Variants in PCED1B observed in about 807,000 individuals in gnomAD.
PCED1B encodes PC-esterase domain containing 1B.
For synonymous variants in PCED1B, 251 were observed against 246.1 expected, an observed-to-expected ratio of 1.02 and a Z score of -0.19; for missense variants, 573 against 573.9, an observed-to-expected ratio of 1.00 and a Z score of 0.02.
chr12:47,152,974 A>G (rs887413787), intron 2 of PCED1B, among the ~76,000 whole-genome samples: 1 of 152,094 alleles, frequency 6.6e-6, no homozygotes, highest in African/African-American at 2.4e-5. Context: ...GACAGTTAGT[A>G]AAAGTTATTT....
At chr12:47,166,150 C>CT (rs1313035721) in intron 2 of PCED1B, among the ~76,000 whole-genome samples, 1 of 152,208 alleles carries the variant, frequency 6.6e-6, no homozygotes, top group Non-Finnish European at 1.5e-5. Context: ...CATCTGAAGA[C>CT]TTGGCCCCTG....
chr12:47,163,921 G>A (rs974975937), intron 2 of PCED1B, among the ~76,000 whole-genome samples: 1 of 152,170 alleles, frequency 6.6e-6, no homozygotes, highest in Non-Finnish European at 1.5e-5. Flanking sequence ...AGTCTAGGAA[G>A]CAAAACCCTC....
At position 47,146,919 on chromosome 12, in the gene PCED1B, C is replaced by G. The variant is rs564288509; in HGVS notation, c.-526+42724C>G. On this transcript the variant is annotated intron_variant, in intron 2 of 3. Coordinates refer to ENST00000546455, the MANE Select transcript of PCED1B (RefSeq NM_138371.3). ...GTCATTTCTTTCCTCTTGCATCTTA[C>G]TGTATGCAGTTTAAAGTAGCCTTAT... 1.4e-3 allele frequency among the ~76,000 whole-genome samples: 216 copies of G among 151,260 alleles called. 2 individuals carry two copies. The highest frequency in any genetic ancestry group is 2.6e-3 in the Non-Finnish European group (176 of 67,928).
At chr12:47,211,742 G>C (rs867919063) in intron 2 of PCED1B, among the ~76,000 whole-genome samples, 1 of 150,990 alleles carries the variant, frequency 6.6e-6, no homozygotes, top group African/African-American at 2.4e-5. Context: ...TGGATCACTT[G>C]AGCCCAGAAG....
intron 3 of PCED1B, among the ~76,000 whole-genome samples, chr12:47,222,789 C>A (rs543992295): frequency 1.3e-5 from 2 of 152,234 alleles, no homozygotes; most frequent in East Asian, 3.9e-4. Flanking sequence ...ACCCAGGGGG[C>A]CAACCCCAGA....
intron 2 of PCED1B, among the ~76,000 whole-genome samples, chr12:47,109,961 T>C (rs892042147): frequency 6.6e-6 from 1 of 152,168 alleles, no homozygotes; most frequent in African/African-American, 2.4e-5. Context: ...TGTTGAAATT[T>C]GGGCAGTATA....
At chr12:47,195,899 A>G (rs946056517) in intron 2 of PCED1B, among the ~76,000 whole-genome samples, 17 of 152,174 alleles carry the variant, frequency 1.1e-4, no homozygotes, top group African/African-American at 4.1e-4. Context: ...TGTTTTATTA[A>G]CCATTTGCTT....
intron 2 of PCED1B, among the ~76,000 whole-genome samples, chr12:47,202,729 T>C (rs1942804169): frequency 6.6e-6 from 1 of 151,494 alleles, no homozygotes; most frequent in South Asian, 2.1e-4. Flanking sequence ...TAAAAATATA[T>C]ATTTACAGTT....
At chr12:47,234,497 A>T (rs1164975143) in intron 3 of PCED1B, among the ~76,000 whole-genome samples, 1 of 152,230 alleles carries the variant, frequency 6.6e-6, no homozygotes, top group Non-Finnish European at 1.5e-5. Flanking sequence ...TATCTCTTTT[A>T]TATAGTTTAA....
intron 3 of PCED1B, among the ~76,000 whole-genome samples, chr12:47,230,546 G>T (rs1001474172): frequency 6.6e-6 from 1 of 151,472 alleles, no homozygotes; most frequent in African/African-American, 2.4e-5. Flanking sequence ...CAGGTTCAGG[G>T]GATCTCCCGC....
At chr12:47,188,599 A>G (rs1186404706) in intron 2 of PCED1B, among the ~76,000 whole-genome samples, 2 of 152,158 alleles carry the variant, frequency 1.3e-5, no homozygotes, top group Non-Finnish European at 2.9e-5. Context: ...CCTTTTTTCA[A>G]TGTGTACCTG....
chr12:47,235,684 T>G lies in PCED1B; in HGVS notation c.621T>G (p.His207Gln). The change falls in exon 4 of 4, where the codon CAT becomes CAG. Residue 207 changes from histidine (H) to glutamine (Q), a missense_variant. Transcript: ENST00000546455. ...ACAGCGCCACCGAGGCACGTAAACA[T>G]AACTTCGATGTACTGGACTTGCATT... Reference protein sequence around the residue: ...NFHSATEARKHNFDVLDLHFH... With the variant: ...NFHSATEARKQNFDVLDLHFH... The G allele has an allele frequency of 1.2e-6, 2 of 1,613,232 alleles. No individual in the cohort carries two copies. Among genetic ancestry groups the G allele is most frequent in the South Asian group, 2.2e-5 (2 of 91,032 alleles).
At chr12:47,205,013 GA>G (rs1332396638) in intron 2 of PCED1B, among the ~76,000 whole-genome samples, 2 of 152,146 alleles carry the variant, frequency 1.3e-5, no homozygotes, top group Non-Finnish European at 2.9e-5. Flanking sequence ...TAAGACAGGG[GA>G]ATTGCAACAG....
In PCED1B at chr12:47,153,132, G is replaced by A. The variant is rs570217256; in HGVS notation, c.-526+48937G>A. Among the ~76,000 whole-genome samples the A allele has an allele frequency of 1.7e-3, 257 of 151,896 alleles. 3 individuals carry two copies. Among genetic ancestry groups the A allele is most frequent in the African/African-American group, 5.6e-3 (233 of 41,434 alleles). On this transcript the variant is annotated intron_variant, in intron 2 of 3. Coordinates refer to ENST00000546455, the MANE Select transcript of PCED1B (RefSeq NM_138371.3). ...TGGGAGGCTGAGGTGGGCAGATCAC[G>A]AGGTCAGGAGATCAAGACCATCCTG...
intron 2 of PCED1B, among the ~76,000 whole-genome samples, chr12:47,183,964 G>C (rs1942175746): frequency 6.6e-6 from 1 of 152,222 alleles, no homozygotes; most frequent in African/African-American, 2.4e-5. Context: ...TGCTGAGGCA[G>C]AGCTGACATT....
chr12:47,176,814 T>C (rs1432592691), intron 2 of PCED1B, among the ~76,000 whole-genome samples: 2 of 152,026 alleles, frequency 1.3e-5, no homozygotes, highest in Non-Finnish European at 2.9e-5. Context: ...TCTGACGCTA[T>C]TTCCAATGTC....
chr12:47,169,996 A>AAC (rs766069413), intron 2 of PCED1B, among the ~76,000 whole-genome samples: 2 of 151,702 alleles, frequency 1.3e-5, no homozygotes, highest in African/African-American at 2.4e-5. Flanking sequence ...TCAGCAGATA[A>AAC]ACACGTGAAC....
chr12:47,132,956 A>G (rs1342400099), intron 2 of PCED1B, among the ~76,000 whole-genome samples: 1 of 152,202 alleles, frequency 6.6e-6, no homozygotes, highest in African/African-American at 2.4e-5. Context: ...ATCTCATAAC[A>G]CTGATACATA....
chr12:47,162,029 C>T (rs555808650), intron 2 of PCED1B, among the ~76,000 whole-genome samples: 227 of 151,582 alleles, frequency 1.5e-3, no homozygotes, highest in African/African-American at 5.1e-3. Context: ...AACCAAACAC[C>T]GCATGTTCTC....
Sources: gnomAD v4.1 joint callset for allele counts (sites outside exome capture counted in the v4.1 genomes callset) on GRCh38, gnomAD v4.1.1 for gene constraint, MANE v1.5 for transcripts, NCBI Gene and HGNC (gene_info 2026-07-23, HGNC 2026-07-21) for gene names.